The following ATRN variants were observed in gnomAD, a reference collection of about 807,000 sequenced individuals.
The protein encoded by ATRN is attractin-2.
ATRN carries 54 observed loss-of-function variants against 178.7 expected under a neutral mutation model. That is an observed-to-expected ratio of 0.30 (90% confidence interval 0.24 to 0.38). The LOEUF is 0.38. Ranked by LOEUF, ATRN falls within the 10% of genes least tolerant of loss-of-function variation. The pLI is 1.00. For missense variants in ATRN, 1,443 were observed against 1,815.1 expected, an observed-to-expected ratio of 0.79 and a Z score of 3.73; for synonymous variants, 636 against 663.0, an observed-to-expected ratio of 0.96 and a Z score of 0.63.
chr20:3,617,234 T>A (rs1353586926), intron 24 of ATRN, among the ~76,000 whole-genome samples: 1 of 152,140 alleles, frequency 6.6e-6, no homozygotes, highest in Non-Finnish European at 1.5e-5. Flanking sequence ...TTGTTGTTGG[T>A]TAGAATTTTG....
chr20:3,645,295 G>T lies in ATRN; in HGVS notation c.4165+1027G>T, dbSNP rs899293243. On this transcript the variant is annotated intron_variant, in intron 28 of 28. Coordinates refer to ENST00000262919, the MANE Select transcript of ATRN (RefSeq NM_139321.3). This position sits in a 1 kb window ranked among gnomAD's most constrained non-coding sequence, Gnocchi z 4.7. ...GATCCTCCAGCCCAGCTTTAGAATG[G>T]TTAGGATCTATAGTATCTTCACGAG... 1.3e-5 allele frequency among the ~76,000 whole-genome samples: 2 copies of T among 152,222 alleles called. No homozygotes were observed. The highest frequency in any genetic ancestry group is 4.8e-5 in the African/African-American group (2 of 41,454).
At chr20:3,482,246 A>G (rs1007272124) in intron 1 of ATRN, among the ~76,000 whole-genome samples, 1 of 151,966 alleles carries the variant, frequency 6.6e-6, no homozygotes, top group Non-Finnish European at 1.5e-5. Flanking sequence ...TACTTTAATT[A>G]TGTAAGGAAA....
At chr20:3,593,426 C>T (rs1034143982) in intron 19 of ATRN, among the ~76,000 whole-genome samples, 2 of 152,014 alleles carry the variant, frequency 1.3e-5, no homozygotes, top group African/African-American at 4.8e-5. Flanking sequence ...CACAAACACC[C>T]CTATGAGATA....
At chr20:3,481,905 T>C (rs2084627765) in intron 1 of ATRN, among the ~76,000 whole-genome samples, 1 of 151,532 alleles carries the variant, frequency 6.6e-6, no homozygotes. Flanking sequence ...AATTTTTTGA[T>C]TGGTTTACTA....
intron 14 of ATRN, 94 bp downstream of exon 14, chr20:3,577,091 G>C (rs942565903): frequency 6.8e-7 from 1 of 1,476,254 alleles, no homozygotes. Flanking sequence ...CTAGCAGAGG[G>C]GAAGAGCTAA....
intron 3 of ATRN, among the ~76,000 whole-genome samples, chr20:3,540,618 G>A (rs2085604838): frequency 6.6e-6 from 1 of 152,174 alleles, no homozygotes; most frequent in African/African-American, 2.4e-5. Flanking sequence ...TGGTGGTGGT[G>A]AAGTTTATCA....
At chr20:3,609,471 T>C (rs1054152725) in intron 24 of ATRN, among the ~76,000 whole-genome samples, 1 of 152,180 alleles carries the variant, frequency 6.6e-6, no homozygotes, top group African/African-American at 2.4e-5. Context: ...CAACTGCAAA[T>C]AGGGACACTT....
chr20:3,576,062 A>T, intron 13 of ATRN, 114 bp downstream of exon 13: 1 of 1,254,472 alleles, frequency 8.0e-7, no homozygotes, highest in Non-Finnish European at 1.1e-6. Context: ...ATGGGTTTCT[A>T]TTTGGATTTT....
At chr20:3,497,470 A>G (rs1333367326) in intron 1 of ATRN, among the ~76,000 whole-genome samples, 3 of 152,042 alleles carry the variant, frequency 2.0e-5, no homozygotes, top group Non-Finnish European at 4.4e-5. Flanking sequence ...TCTTTTCTTT[A>G]AGATTGTTGA....
rs1311054221 is a variant in ATRN, at chr20:3,645,948, G to A, written c.4166-775G>A. ...CGTTATCAATACAGGAAGGAAAATG[G>A]GATTGCAAGTCCCCAAAGCAAAGTG... On this transcript the variant is annotated intron_variant, in intron 28 of 28. Transcript: ENST00000262919. This position sits in a 1 kb window ranked among gnomAD's most constrained non-coding sequence, Gnocchi z 4.7. 4.6e-5 allele frequency among the ~76,000 whole-genome samples: 7 copies of A among 152,156 alleles called. No individual in the cohort carries two copies. The highest frequency in any genetic ancestry group is 4.6e-4 in the Admixed American group (7 of 15,284).
At chr20:3,604,302 G>A (rs1398097367) in intron 24 of ATRN, 40 bp downstream of exon 24, 1 of 1,544,752 alleles carries the variant, frequency 6.5e-7, no homozygotes, top group Admixed American at 2.1e-5. Context: ...CAAAGGTGGT[G>A]AAATCTCTTT....
rs7360456 is a variant in ATRN, at chr20:3,477,192, A to G, written c.410+5675A>G. On this transcript the variant is annotated intron_variant, in intron 1 of 28. Transcript: ENST00000262919. Reference sequence around the variant, plus strand: ...GTAAGTTCCATGAGGGCAGGGGCCCAGAGCATAGTTCACAAGTCCAGTTTA... The same window carrying G: ...GTAAGTTCCATGAGGGCAGGGGCCCGGAGCATAGTTCACAAGTCCAGTTTA... Among the ~76,000 whole-genome samples, 325 of 93,932 alleles carry G rather than the reference A, an allele frequency of 3.5e-3. 27 individuals are homozygous for G. Among genetic ancestry groups the G allele is most frequent in the Admixed American group, 7.6e-3 (76 of 10,066 alleles). 61.6% of individuals were successfully genotyped at this position (93,932 alleles called of 152,430 possible). A position where few individuals can be genotyped will look rare whatever the true frequency, so the allele number is the denominator to read the frequency against.
At chr20:3,569,921 A>G (rs2086095248) in intron 11 of ATRN, among the ~76,000 whole-genome samples, 1 of 152,056 alleles carries the variant, frequency 6.6e-6, no homozygotes, top group African/African-American at 2.4e-5. Context: ...AAATACAAAA[A>G]TTAGCTGGTC....
chr20:3,491,114 C>G, intron 1 of ATRN: 1 of 595,614 alleles, frequency 1.7e-6, no homozygotes, highest in Non-Finnish European at 2.9e-6. Flanking sequence ...TTTATTGATT[C>G]TAATAATTAT....
chr20:3,622,460 A>G (rs2086903772), intron 24 of ATRN, among the ~76,000 whole-genome samples: 1 of 152,214 alleles, frequency 6.6e-6, no homozygotes, highest in Non-Finnish European at 1.5e-5. Context: ...GGACAGCCCA[A>G]TGTATGTTTG....
chr20:3,551,654 T>A (rs1350668141), intron 6 of ATRN, among the ~76,000 whole-genome samples: 2 of 152,172 alleles, frequency 1.3e-5, no homozygotes, highest in African/African-American at 2.4e-5. Flanking sequence ...TCTTTCTCTC[T>A]CCCTCTCCTG....
chr20:3,569,631 A>C (rs2086088888), intron 11 of ATRN, among the ~76,000 whole-genome samples: 1 of 152,222 alleles, frequency 6.6e-6, no homozygotes, highest in African/African-American at 2.4e-5. Context: ...ACCTTAGATT[A>C]CTAGATGACA....
chr20:3,596,506 T>C, intron 21 of ATRN, 77 bp downstream of exon 21: 1 of 1,348,784 alleles, frequency 7.4e-7, no homozygotes, highest in South Asian at 1.2e-5. Context: ...GGTTTGAGAA[T>C]AGTAAGTGCT....
intron 1 of ATRN, among the ~76,000 whole-genome samples, chr20:3,515,286 G>A (rs891539807): frequency 1.3e-5 from 2 of 152,176 alleles, no homozygotes; most frequent in African/African-American, 4.8e-5. Flanking sequence ...TGAAAATTTG[G>A]TGGTTAAAAA....
Sources: gnomAD v4.1 joint callset for allele counts (sites outside exome capture counted in the v4.1 genomes callset) on GRCh38, gnomAD v4.1.1 for gene constraint, Gnocchi (gnomAD v3.1) non-coding constraint, MANE v1.5 for transcripts, NCBI Gene and HGNC (gene_info 2026-07-23, HGNC 2026-07-21) for gene names.